The following KLC2 variants were observed in gnomAD, a reference collection of about 807,000 sequenced individuals.
KLC2 encodes the protein kinesin light chain 2, also known as KLC 2.
In KLC2, 35 loss-of-function variants were observed where a neutral mutation model predicts 75.1. That is an observed-to-expected ratio of 0.47 (90% CI 0.36 to 0.62). The LOEUF (loss-of-function observed/expected upper bound fraction) is 0.62, where lower values mean the gene tolerates loss of function less well. Among genes scored for constraint, KLC2 ranks in the 20% least tolerant of loss-of-function variants. The pLI is 0.00. For missense variants in KLC2, 611 were observed against 833.2 expected (o/e 0.73, Z 3.28); for synonymous variants, 314 against 336.7 (o/e 0.93, Z 0.74).
intron 15 of KLC2, 38 bp downstream of exon 15, chr11:66,266,528 G>A (rs370619951): frequency 3.9e-5 from 62 of 1,588,520 alleles, no homozygotes; most frequent in African/African-American, 3.0e-4. Context: ...GGGCAGCTGC[G>A]GCCGGGGCTG....
the KLC2 span, among the ~76,000 whole-genome samples, chr11:66,248,728 C>T: frequency 1.3e-5 from 2 of 152,010 alleles, no homozygotes; most frequent in Non-Finnish European, 2.9e-5. Flanking sequence ...GTCATTCTGT[C>T]TTCTTTTTTG....
At chr11:66,247,627 T>C in the KLC2 span, among the ~76,000 whole-genome samples, 5 of 87,578 alleles carry the variant, frequency 5.7e-5, no homozygotes, top group Non-Finnish European at 1.5e-4. Context: ...CCAACCCCTC[T>C]TTTTTTTTTT....
At chr11:66,263,167 C>T in intron 5 of KLC2, 131 bp downstream of exon 5, 1 of 663,052 alleles carries the variant, frequency 1.5e-6, no homozygotes, top group South Asian at 1.8e-5. Context: ...GCAAGTAAAA[C>T]TGTCTAGTGT....
chr11:66,249,716 G>A, the KLC2 span, among the ~76,000 whole-genome samples: 1 of 152,100 alleles, frequency 6.6e-6, no homozygotes, highest in Non-Finnish European at 1.5e-5. Context: ...AACACTCACA[G>A]TCATCCCAGA....
At position 66,266,998 on chromosome 11, in the gene KLC2, ACC is replaced by A; in HGVS notation, c.*47_*48del. ...AGTCACCAGAGCGCCCACCTGGCAC[ACC>A]CCCCTCACCCCAGCCCTGCGCATGG... On this transcript the variant is annotated 3_prime_UTR_variant, in exon 16 of 16. Coordinates refer to ENST00000394067, the MANE Select transcript of KLC2 (RefSeq NM_001318734.2). The A allele has an allele frequency of 6.3e-7, 1 of 1,592,232 alleles. No homozygotes were observed. Among genetic ancestry groups the A allele is most frequent in the Non-Finnish European group, 8.5e-7 (1 of 1,174,292 alleles).
intron 4 of KLC2, chr11:66,262,521 G>C (rs1325445289): frequency 1.1e-4 from 60 of 554,454 alleles, no homozygotes; most frequent in Non-Finnish European, 1.9e-5. Context: ...GCCAGTGCCT[G>C]CTTTGCTGAT....
the KLC2 span, among the ~76,000 whole-genome samples, chr11:66,252,164 C>T: frequency 6.6e-6 from 1 of 152,238 alleles, no homozygotes; most frequent in Non-Finnish European, 1.5e-5. Context: ...TCATTCTTTT[C>T]CCACACCTTG....
chr11:66,262,040 C>T (rs1856469718), intron 3 of KLC2, 68 bp downstream of exon 3: 3 of 1,579,466 alleles, frequency 1.9e-6, no homozygotes, highest in Admixed American at 1.7e-5. Context: ...CAGCATGGAG[C>T]AGATTCGGCT....
At chr11:66,258,507 C>T (rs1362633021) in intron 1 of KLC2, 77 bp from the exon 2 acceptor site, 4 of 989,316 alleles carry the variant, frequency 4.0e-6, no homozygotes, top group Non-Finnish European at 6.2e-6. Flanking sequence ...CGGGGACCGC[C>T]TGTTTACCTA....
In KLC2 at chr11:66,266,496, G is replaced by T. The variant is rs371165669; in HGVS notation, c.1785+6G>T. 106 of 1,613,936 alleles carry T rather than the reference G, an allele frequency of 6.6e-5. 1 individual carries two copies. The African/African-American group carries it at 1.0e-3, about 16-fold the overall frequency. ...GCGTGGAAGAGCCGACCCAGGTAGGGGCAGGCGGGTGTCTGGGCACTGGGC... is the reference window on the plus strand; with the variant it reads ...GCGTGGAAGAGCCGACCCAGGTAGGTGCAGGCGGGTGTCTGGGCACTGGGC... On this transcript the variant is annotated splice_donor_region_variant and intron_variant, in intron 15 of 15. Transcript: ENST00000394067.
chr11:66,264,975 G>A (rs763167584), intron 9 of KLC2, 48 bp from the exon 10 acceptor site: 1 of 1,597,104 alleles, frequency 6.3e-7, no homozygotes, highest in Non-Finnish European at 8.6e-7. Context: ...AGCCCAACCA[G>A]GTGAGACCTA....
chr11:66,248,132 G>A, the KLC2 span, among the ~76,000 whole-genome samples: 5 of 152,282 alleles, frequency 3.3e-5, no homozygotes, highest in Admixed American at 6.5e-5. Flanking sequence ...TATCTAACCT[G>A]CACGCCAACT....
In KLC2 at chr11:66,265,046, C is replaced by G; in HGVS notation, c.1240C>G (p.His414Asp). The change falls in exon 10 of 16, where the codon CAC becomes GAC. Residue 414 changes from histidine (H) to aspartate (D), a missense_variant. By Grantham distance (81) the His-to-Asp change is moderately conservative. Coordinates refer to ENST00000394067, the MANE Select transcript of KLC2 (RefSeq NM_001318734.2). ...VNGDNKPIWM[H>D]AEEREESKDK... ...AGGGGACAACAAGCCCATCTGGATG[C>G]ACGCAGAGGAGCGGGAGGAAAGCAA... 6.2e-7 allele frequency: 1 copy of G among 1,613,110 alleles called. No homozygotes were observed. Among genetic ancestry groups the G allele is most frequent in the South Asian group, 1.1e-5 (1 of 91,006 alleles).
Position 66,265,765 on chromosome 11 carries a change from T to TG in KLC2, c.1443+6dup, listed in dbSNP as rs1291364107. 3 of 1,612,874 alleles carry TG rather than the reference T, an allele frequency of 1.9e-6. No homozygotes were observed. The highest frequency in any genetic ancestry group is 1.6e-4 in the Middle Eastern group (1 of 6,078). On this transcript the variant is annotated splice_region_variant and intron_variant, in intron 12 of 15. Transcript: ENST00000394067. The stretch of plus-strand genomic sequence containing the variant: ...TGTGCCAGCCGTAACCGCAAGCAGG[T>TG]GGGGCTCCATGCAGGAGGGGGTGGG...
At chr11:66,255,303 C>T (rs1414557443), upstream of KLC2, among the ~76,000 whole-genome samples, 5 of 152,362 alleles carry the variant, frequency 3.3e-5, no homozygotes, top group African/African-American at 9.6e-5. Flanking sequence ...CATCCTCCCA[C>T]CTCAGCCTCC....
chr11:66,258,547 G>T (rs1395778752), intron 1 of KLC2, 37 bp from the exon 2 acceptor site: 2 of 1,465,602 alleles, frequency 1.4e-6, no homozygotes, highest in Non-Finnish European at 1.9e-6. Context: ...GTGGCCCCAG[G>T]CCCGGCGCCC....
At chr11:66,252,387 G>A (rs372321587), upstream of KLC2, among the ~76,000 whole-genome samples, 96 of 140,428 alleles carry the variant, frequency 6.8e-4, 1 homozygote, top group African/African-American at 2.0e-3. Flanking sequence ...CCGGGTTCGC[G>A]CCATTCTCCT....
chr11:66,258,387 C>T lies in KLC2; in HGVS notation c.-11-197C>T, dbSNP rs1343694110. 3 of 584,764 alleles carry T rather than the reference C, an allele frequency of 5.1e-6. No individual in the cohort carries two copies. In the African/African-American group the frequency reaches 5.6e-5, roughly 11 times the overall value. The allele number at this position is 584,764 out of a possible 1,614,324, so 36.2% of individuals were successfully genotyped here. A position where few individuals can be genotyped will look rare whatever the true frequency, so the allele number is the denominator to read the frequency against. On this transcript the variant is annotated intron_variant, in intron 1 of 15. Coordinates refer to ENST00000394067, the MANE Select transcript of KLC2 (RefSeq NM_001318734.2). The stretch of plus-strand genomic sequence containing the variant: ...GCCGAAGCAGGATCCGGCTGCACCG[C>T]ATTGCGTCTCCCAGGCCTAGACAAG...
Position 66,267,153 on chromosome 11 carries a change from C to T in KLC2, c.*197C>T. On this transcript the variant is annotated 3_prime_UTR_variant, in exon 16 of 16. Transcript: ENST00000394067. ...GGGCCTGCCCACTCCAGCTCCATCCCTTATTTATTCCTTCCAGCAGGGCCC... is the reference window on the plus strand; with the variant it reads ...GGGCCTGCCCACTCCAGCTCCATCCTTTATTTATTCCTTCCAGCAGGGCCC... 2 of 1,542,834 alleles carry T rather than the reference C, an allele frequency of 1.3e-6. No homozygotes were observed. The highest frequency in any genetic ancestry group is 1.8e-6 in the Non-Finnish European group (2 of 1,142,322).
Sources: gnomAD v4.1 joint callset for allele counts (sites outside exome capture counted in the v4.1 genomes callset) on GRCh38, gnomAD v4.1.1 for gene constraint, MANE v1.5 for transcripts, NCBI Gene and HGNC (gene_info 2026-07-23, HGNC 2026-07-21) for gene names.